The following EYS variants were observed in gnomAD, a reference collection of about 807,000 sequenced individuals.
The protein encoded by EYS is protein eyes shut homolog.
A neutral mutation model predicts 282.1 loss-of-function variants in EYS; 250 were observed. The observed-to-expected ratio is 0.89, with a 90% confidence interval of 0.80 to 0.98. The LOEUF (loss-of-function observed/expected upper bound fraction) is 0.98, where lower values mean the gene tolerates loss of function less well. Ranked by LOEUF, EYS falls within the 50% of genes least tolerant of loss-of-function variation. EYS has a pLI of 0.00. For synonymous variants in EYS, 1,355 were observed against 1,282.9 expected, an observed-to-expected ratio of 1.06 and a Z score of -1.20; for missense variants, 4,016 against 3,709.0, an observed-to-expected ratio of 1.08 and a Z score of -2.15.
intron 32 of EYS, among the ~76,000 whole-genome samples, chr6:64,071,242 A>T (rs1771563185): frequency 6.6e-6 from 1 of 152,054 alleles, no homozygotes. Context: ...AAATAATTTA[A>T]TATTTAGCTT....
At chr6:65,295,831 AAATTT>A (rs1768645512) in intron 12 of EYS, 27 bp downstream of exon 12, 3 of 1,475,220 alleles carry the variant, frequency 2.0e-6, no homozygotes, top group East Asian at 2.6e-5. Flanking sequence ...ATTTACTAGA[AAATTT>A]AATTTATCAG....
chr6:65,440,489 A>C (rs1358944572), intron 5 of EYS, among the ~76,000 whole-genome samples: 14 of 151,836 alleles, frequency 9.2e-5, no homozygotes, highest in Admixed American at 3.3e-4. Context: ...TGGAAGACCC[A>C]TTATAATATC....
At chr6:64,388,423 T>C (rs1302818874) in intron 29 of EYS, among the ~76,000 whole-genome samples, 1 of 152,098 alleles carries the variant, frequency 6.6e-6, no homozygotes, top group Non-Finnish European at 1.5e-5. Context: ...TATTGAGAAA[T>C]GTAATACACA....
intron 12 of EYS, among the ~76,000 whole-genome samples, chr6:65,236,939 ATAAAT>A (rs1001711518): frequency 6.6e-6 from 1 of 152,208 alleles, no homozygotes; most frequent in Non-Finnish European, 1.5e-5. Context: ...GTTCAAAAAC[ATAAAT>A]TAAAATGAAT....
At chr6:64,152,479 C>T (rs1038671581) in intron 31 of EYS, among the ~76,000 whole-genome samples, 5 of 152,086 alleles carry the variant, frequency 3.3e-5, no homozygotes, top group Non-Finnish European at 5.9e-5. Flanking sequence ...ATCAACTATA[C>T]CTTGCTGCTT....
chr6:64,503,151 CTTAAT>C (rs1410629609), intron 26 of EYS, among the ~76,000 whole-genome samples: 3 of 152,204 alleles, frequency 2.0e-5, no homozygotes, highest in Admixed American at 1.3e-4. Context: ...ACATGCTTTA[CTTAAT>C]TTAATAGTCA....
intron 28 of EYS, among the ~76,000 whole-genome samples, chr6:64,398,135 A>G (rs1773434359): frequency 6.6e-6 from 1 of 151,950 alleles, no homozygotes; most frequent in Non-Finnish European, 1.5e-5. Context: ...GGTAGATGCC[A>G]GGAAAGGCCA....
intron 40 of EYS, among the ~76,000 whole-genome samples, chr6:63,765,125 T>C (rs1769754512): frequency 6.6e-6 from 1 of 151,816 alleles, no homozygotes; most frequent in Admixed American, 6.6e-5. Flanking sequence ...AAAACAGAGG[T>C]AGGTATCTAT....
chr6:63,728,578 CATT>C (rs765541845), intron 41 of EYS, among the ~76,000 whole-genome samples: 3 of 152,198 alleles, frequency 2.0e-5, no homozygotes, highest in Non-Finnish European at 4.4e-5. Context: ...ATTGACACAT[CATT>C]ATCACATAAG....
Position 64,044,496 on chromosome 6 carries a change from G to A in EYS, c.6725+21842C>T, listed in dbSNP as rs7754513. On this transcript the variant is annotated intron_variant, in intron 33 of 42. Coordinates refer to ENST00000503581, the MANE Select transcript of EYS (RefSeq NM_001142800.2). The stretch of plus-strand genomic sequence containing the variant: ...AACGTAAGTTCACTTATGAGGTAAA[G>A]CACTCATGTAAGGTGAGTGGCCATA... Among the ~76,000 whole-genome samples the A allele has an allele frequency of 5.5e-3, 844 of 152,328 alleles. 5 individuals carry two copies. The highest frequency in any genetic ancestry group is 0.019 in the African/African-American group (796 of 41,574).
At chr6:63,805,840 TCTTCCC>T (rs1562034854) in intron 37 of EYS, among the ~76,000 whole-genome samples, 2 of 152,220 alleles carry the variant, frequency 1.3e-5, no homozygotes, top group African/African-American at 2.4e-5. Flanking sequence ...CTCTGCTTCC[TCTTCCC>T]CTTCCACCAT....
At chr6:65,251,679 C>A (rs1767327542) in intron 12 of EYS, among the ~76,000 whole-genome samples, 1 of 151,876 alleles carries the variant, frequency 6.6e-6, no homozygotes, top group Admixed American at 6.6e-5. Flanking sequence ...GGTAGAAGAC[C>A]CAAATGCCAG....
intron 29 of EYS, among the ~76,000 whole-genome samples, chr6:64,351,666 G>A (rs1422447278): frequency 2.6e-5 from 4 of 151,400 alleles, no homozygotes; most frequent in Admixed American, 6.6e-5. Context: ...GGACTACAAG[G>A]TCATTTAAAA....
intron 12 of EYS, among the ~76,000 whole-genome samples, chr6:65,103,680 C>G (rs1301061205): frequency 6.6e-6 from 1 of 151,472 alleles, no homozygotes; most frequent in Non-Finnish European, 1.5e-5. Context: ...CTTTAGGCTA[C>G]TCATCTTATC....
At chr6:65,128,527 CAAAT>C (rs1775780873) in intron 12 of EYS, among the ~76,000 whole-genome samples, 1 of 151,900 alleles carries the variant, frequency 6.6e-6, no homozygotes, top group Non-Finnish European at 1.5e-5. Context: ...TTTCCATACA[CAAAT>C]AAAGTTTAAG....
intron 26 of EYS, among the ~76,000 whole-genome samples, chr6:64,444,263 A>G (rs2150471238): frequency 6.6e-6 from 1 of 152,320 alleles, no homozygotes; most frequent in Admixed American, 6.5e-5. Context: ...CAGGACACTC[A>G]TTTCCTTAGA....
intron 35 of EYS, among the ~76,000 whole-genome samples, chr6:63,935,345 T>A (rs920228210): frequency 6.6e-6 from 1 of 152,250 alleles, no homozygotes; most frequent in Non-Finnish European, 1.5e-5. Flanking sequence ...ACATGCCCTC[T>A]TAGACAGCAC....
intron 31 of EYS, among the ~76,000 whole-genome samples, chr6:64,100,855 CT>C (rs1423620710): frequency 2.0e-5 from 3 of 152,084 alleles, no homozygotes; most frequent in African/African-American, 7.2e-5. Context: ...TGTTGCTTTT[CT>C]TTTCTGTTAG....
intron 31 of EYS, among the ~76,000 whole-genome samples, chr6:64,085,708 G>A (rs1772134823): frequency 6.6e-6 from 1 of 152,058 alleles, no homozygotes; most frequent in Non-Finnish European, 1.5e-5. Flanking sequence ...ACTTGTGAAG[G>A]TTAGTTGTTA....
Sources: allele counts gnomAD v4.1 joint callset (sites outside exome capture counted in the v4.1 genomes callset), GRCh38; gene constraint gnomAD v4.1.1; transcripts MANE v1.5; gene names NCBI Gene and HGNC (gene_info 2026-07-23, HGNC 2026-07-21).